The following NKTR variants were observed in gnomAD, a reference collection of about 807,000 sequenced individuals.
NKTR encodes the protein natural killer cell triggering receptor, also known as NK-tumor recognition protein.
NKTR carries 67 observed loss-of-function variants against 156.3 expected under a neutral mutation model. The ratio of observed to expected loss-of-function variants is 0.43; its 90% CI spans 0.35 to 0.53. The LOEUF (loss-of-function observed/expected upper bound fraction) is 0.53, where lower values mean the gene tolerates loss of function less well. NKTR is among the 20% of genes least tolerant of loss of function. NKTR has a pLI of 0.01. For synonymous variants in NKTR, 640 were observed against 596.6 expected (o/e 1.07, Z -1.06); for missense variants, 1,604 against 1,730.9 (o/e 0.93, Z 1.30).
Position 42,645,922 on chromosome 3 carries a change from G to T in NKTR, c.4336G>T (p.Asp1446Tyr). ...CRSYGSDSES[D>Y]RSYSHHRSPS... is the part of the protein sequence containing the mutation. ...ATCTTATGGCTCTGACAGTGAAAGT[G>T]ACCGAAGTTACTCTCATCACCGGAG... Residue 1446 changes from aspartate to tyrosine, a missense_variant, in exon 17 of 17, where the codon GAC becomes TAC. Asp to Tyr is a radical substitution (Grantham distance 160). Coordinates refer to ENST00000232978, the MANE Select transcript of NKTR (RefSeq NM_005385.4). The T allele has an allele frequency of 6.2e-7, 1 of 1,613,304 alleles. No individual in the cohort carries two copies. Among genetic ancestry groups the T allele is most frequent in the South Asian group, 1.1e-5 (1 of 90,956 alleles).
At chr3:42,623,895 G>A (rs1347211059) in intron 6 of NKTR, 1 of 152,094 alleles carries the variant, frequency 6.6e-6, no homozygotes, top group African/African-American at 2.4e-5. Context: ...GCTCAATAAG[G>A]ATTTTTAATA....
chr3:42,644,460 T>C (rs771357356), intron 16 of NKTR, among the ~76,000 whole-genome samples: 1 of 152,250 alleles, frequency 6.6e-6, no homozygotes, highest in South Asian at 2.1e-4. Context: ...ATATGTATTA[T>C]GTTTAACATA....
intron 7 of NKTR, 182 bp from the exon 8 acceptor site, chr3:42,630,989 T>C: frequency 2.8e-6 from 4 of 1,419,896 alleles, no homozygotes; most frequent in Non-Finnish European, 3.7e-6. Flanking sequence ...CCAGTTTGCA[T>C]AATCGTTTCC....
rs1338451815 is a variant in NKTR at position 42,639,308 on chromosome 3, G to A, written c.3604G>A (p.Ala1202Thr). The change falls in exon 13 of 17, where the codon GCT becomes ACT. Residue 1202 changes from alanine (A) to threonine (T), a missense_variant. Around this residue, in one of 6 missense-constraint regions of NKTR, gnomAD observed 1,255 missense variants for 1,243.7 expected, o/e 1.01. Coordinates refer to ENST00000232978, the MANE Select transcript of NKTR (RefSeq NM_005385.4). The part of the protein sequence containing the change: ...GKQDSSSASL[A>T]SAGESTGKKE... ...ACAGGACAGCAGCTCTGCTAGCTTGGCTAGTGCTGGAGAAAGTACCGGGAA... is the reference window on the plus strand; with the variant it reads ...ACAGGACAGCAGCTCTGCTAGCTTGACTAGTGCTGGAGAAAGTACCGGGAA... The A allele has an allele frequency of 7.4e-6, 12 of 1,614,010 alleles. No homozygotes were observed. Among genetic ancestry groups the A allele is most frequent in the Non-Finnish European group, 1.0e-5 (12 of 1,180,016 alleles).
At position 42,639,155 on chromosome 3, in the gene NKTR, G is replaced by A. The variant is rs762379955; in HGVS notation, c.3451G>A (p.Ala1151Thr). 6.2e-7 allele frequency: 1 copy of A among 1,614,134 alleles called. No individual in the cohort carries two copies. ...AGAGGAGACTTCCCCTCTAGGAAAT[G>A]CACGGCTTGATACCCCAGATATAAA... Reference protein sequence around the residue: ...KVEETSPLGNARLDTPDINIV... With the variant: ...KVEETSPLGNTRLDTPDINIV... The change falls in exon 13 of 17, where the codon GCA becomes ACA. Residue 1151 changes from alanine (A) to threonine (T), a missense_variant. Transcript: ENST00000232978.
chr3:42,631,222 A>G lies in NKTR; in HGVS notation c.456A>G (p.Gln152=). The change falls in exon 8 of 17, where the codon CAA becomes CAG. Residue 152 remains glutamine, a synonymous_variant. Transcript: ENST00000232978. The part of the protein sequence containing the change: ...LVISGFEVIE[Q]IENLKTDAAS... ...TTTCTGGTTTTGAAGTAATCGAACAAATTGAAAATCTGAAGACCGATGCTG... is the reference window on the plus strand; with the variant it reads ...TTTCTGGTTTTGAAGTAATCGAACAGATTGAAAATCTGAAGACCGATGCTG... 1 of 1,614,120 alleles carries G rather than the reference A, an allele frequency of 6.2e-7. No homozygotes were observed. The highest frequency in any genetic ancestry group is 8.5e-7 in the Non-Finnish European group (1 of 1,180,010).
chr3:42,639,223 AGAG>A lies in NKTR; in HGVS notation c.3521_3523del (p.Glu1174del), dbSNP rs1709673690. The A allele has an allele frequency of 6.2e-7, 1 of 1,614,086 alleles. No homozygotes were observed. The highest frequency in any genetic ancestry group is 1.1e-5 in the South Asian group (1 of 91,084). The stretch of plus-strand genomic sequence containing the variant: ...ATATGGCAACGGAACATCCTCAAGC[AGAG>A]GTAGTAAAACAGGAAAGCAGCATGT... On this transcript the variant is annotated inframe_deletion, in exon 13 of 17. Coordinates refer to ENST00000232978, the MANE Select transcript of NKTR (RefSeq NM_005385.4).
Position 42,647,288 on chromosome 3 carries a change from G to C in NKTR, c.*1313G>C, listed in dbSNP as rs1472545917. ...AACTAGTGTGTGTGTGTGTGTGTGT[G>C]TGTGTGTGTGTGTGGTTTTTTTTTT... On this transcript the variant is annotated 3_prime_UTR_variant, in exon 17 of 17. Coordinates refer to ENST00000232978, the MANE Select transcript of NKTR (RefSeq NM_005385.4). 1 of 113,934 alleles carries C rather than the reference G, an allele frequency of 8.8e-6. No individual in the cohort carries two copies. The highest frequency in any genetic ancestry group is 3.1e-4 in the East Asian group (1 of 3,252). 7.1% of individuals were successfully genotyped at this position (113,934 alleles called of 1,614,324 possible). A position where few individuals can be genotyped will look rare whatever the true frequency, so the allele number is the denominator to read the frequency against.
intron 15 of NKTR, 121 bp downstream of exon 15, chr3:42,643,516 C>T: frequency 2.5e-6 from 2 of 796,088 alleles, no homozygotes; most frequent in Non-Finnish European, 4.2e-6. Context: ...CTCCTGAAAC[C>T]ATACCTTTTC....
intron 2 of NKTR, among the ~76,000 whole-genome samples, chr3:42,612,563 A>T (rs1046430082): frequency 6.6e-6 from 1 of 152,170 alleles, no homozygotes; most frequent in Non-Finnish European, 1.5e-5. Context: ...TTAATTTTGT[A>T]ATGTAATATA....
At chr3:42,611,352 T>C (rs768875570) in intron 2 of NKTR, among the ~76,000 whole-genome samples, 4 of 152,210 alleles carry the variant, frequency 2.6e-5, no homozygotes. Context: ...TTCCTTTGTT[T>C]TATATCTTTT....
chr3:42,630,138 G>A, intron 6 of NKTR: 1 of 998,300 alleles, frequency 1.0e-6, no homozygotes, highest in Non-Finnish European at 1.2e-6. Context: ...CTTTCCATAG[G>A]GCAAATAGGA....
At chr3:42,603,838 C>T (rs756275511) in intron 2 of NKTR, among the ~76,000 whole-genome samples, 24 of 150,624 alleles carry the variant, frequency 1.6e-4, no homozygotes, top group African/African-American at 4.7e-4. Context: ...CAGGTTCAAG[C>T]GATTCTCCTG....
intron 2 of NKTR, among the ~76,000 whole-genome samples, chr3:42,616,478 T>A (rs538216071): frequency 6.6e-6 from 1 of 152,212 alleles, no homozygotes; most frequent in African/African-American, 2.4e-5. Flanking sequence ...TGTGATGATA[T>A]CACTGCCCTG....
chr3:42,627,139 C>G, intron 6 of NKTR: 1 of 860,332 alleles, frequency 1.2e-6, no homozygotes, highest in Non-Finnish European at 1.4e-6. Context: ...AACATAGATT[C>G]AGTCTTGTCT....
intron 13 of NKTR, among the ~76,000 whole-genome samples, chr3:42,640,064 C>CT (rs778352270): frequency 6.6e-6 from 1 of 152,124 alleles, no homozygotes; most frequent in Non-Finnish European, 1.5e-5. Flanking sequence ...CAAGTGATGC[C>CT]TTAGAAGGGA....
rs772926567 is a variant in NKTR at position 42,638,530 on chromosome 3, T to G, written c.2826T>G (p.Pro942=). Residue 942 remains proline, a synonymous_variant, in exon 13 of 17, where the codon CCT becomes CCG. Transcript: ENST00000232978. ...TTKSSTNTSL[P]DDNGAWKSSK... ...AGTCGTCCACAAATACTTCACTGCC[T>G]GATGATAATGGTGCTTGGAAATCAA... 1.2e-5 allele frequency: 19 copies of G among 1,613,518 alleles called. No homozygotes were observed. Among genetic ancestry groups the G allele is most frequent in the Non-Finnish European group, 3.4e-6 (4 of 1,179,862 alleles).
chr3:42,619,846 G>C (rs1707743687), intron 5 of NKTR, 138 bp downstream of exon 5: 1 of 1,455,514 alleles, frequency 6.9e-7, no homozygotes, highest in Non-Finnish European at 9.1e-7. Context: ...TACTTTATTT[G>C]CATGAATTTG....
chr3:42,640,127 A>G (rs1709759129), intron 13 of NKTR, among the ~76,000 whole-genome samples: 1 of 152,168 alleles, frequency 6.6e-6, no homozygotes, highest in Non-Finnish European at 1.5e-5. Context: ...CTAACCTTCC[A>G]TTTTACACAT....
Sources: gnomAD v4.1 joint callset for allele counts (sites outside exome capture counted in the v4.1 genomes callset) on GRCh38, gnomAD v4.1.1 for gene constraint, gnomAD v4.1.1 regional missense constraint, MANE v1.5 for transcripts, NCBI Gene and HGNC (gene_info 2026-07-23, HGNC 2026-07-21) for gene names.